PKD1L1: variants seen among roughly 807,000 people sequenced by gnomAD.
The protein encoded by PKD1L1 is polycystin 1 like 1, transient receptor potential channel interacting.
PKD1L1 carries 236 observed loss-of-function variants against 323.4 expected under a neutral mutation model. That is an observed-to-expected ratio of 0.73 (90% CI 0.66 to 0.81). The LOEUF (loss-of-function observed/expected upper bound fraction) is 0.81. Ranked by LOEUF, PKD1L1 falls within the 40% of genes least tolerant of loss-of-function variation. The probability of loss-of-function intolerance (pLI) is 0.00; values close to 1 mark genes in which losing one functional copy is unlikely to be tolerated. For missense variants in PKD1L1, 3,320 were observed against 3,508.0 expected (o/e 0.95, Z 1.35); for synonymous variants, 1,344 against 1,335.0 (o/e 1.01, Z -0.15).
chr7:47,937,261 G>C (rs1311412365), intron 3 of PKD1L1, among the ~76,000 whole-genome samples: 3 of 3,410 alleles, frequency 8.8e-4, no homozygotes, highest in Non-Finnish European at 1.9e-3. Flanking sequence ...GGTGGGGGTG[G>C]GGGGGGGGGG....
the PKD1L1 span, among the ~76,000 whole-genome samples, chr7:47,954,489 T>A: frequency 6.6e-6 from 1 of 152,080 alleles, no homozygotes; most frequent in Non-Finnish European, 1.5e-5. Flanking sequence ...CTCCTTTCTG[T>A]CTCCTGCACC....
chr7:47,900,869 A>G (rs1787070797), intron 13 of PKD1L1, among the ~76,000 whole-genome samples: 1 of 152,220 alleles, frequency 6.6e-6, no homozygotes, highest in Non-Finnish European at 1.5e-5. Context: ...AAGGCTGCTT[A>G]ATAACAAAAG....
At chr7:47,834,286 T>C (rs911801128) in intron 40 of PKD1L1, 53 bp downstream of exon 40, 14 of 1,561,378 alleles carry the variant, frequency 9.0e-6, no homozygotes, top group Non-Finnish European at 1.2e-5. Flanking sequence ...AGAAATCTAA[T>C]TGTTTGCATT....
intron 1 of PKD1L1, among the ~76,000 whole-genome samples, chr7:47,947,111 C>G (rs1788113041): frequency 6.6e-6 from 1 of 152,178 alleles, no homozygotes; most frequent in Non-Finnish European, 1.5e-5. Flanking sequence ...TAGCCAAAAT[C>G]AGACAATGCT....
At chr7:47,870,318 G>GT (rs1786255644) in intron 24 of PKD1L1, among the ~76,000 whole-genome samples, 1 of 152,074 alleles carries the variant, frequency 6.6e-6, no homozygotes, top group African/African-American at 2.4e-5. Context: ...CCAAAAGCTG[G>GT]TTTTTTGAAA....
intron 47 of PKD1L1, 100 bp from the exon 48 acceptor site, chr7:47,814,114 C>G: frequency 2.3e-6 from 2 of 854,898 alleles, no homozygotes; most frequent in Non-Finnish European, 1.9e-6. Flanking sequence ...GTAACTCCAC[C>G]TGCTACCATA....
At chr7:47,917,527 T>C (rs1787454907) in intron 7 of PKD1L1, among the ~76,000 whole-genome samples, 1 of 152,180 alleles carries the variant, frequency 6.6e-6, no homozygotes, top group African/African-American at 2.4e-5. Flanking sequence ...AGGCACATTG[T>C]CATTGAGTTA....
intron 17 of PKD1L1, among the ~76,000 whole-genome samples, chr7:47,886,723 T>C (rs1786693644): frequency 6.6e-6 from 1 of 152,072 alleles, no homozygotes; most frequent in Non-Finnish European, 1.5e-5. Context: ...TGAGGCCTCA[T>C]CAGAGCAGAT....
intron 13 of PKD1L1, among the ~76,000 whole-genome samples, chr7:47,900,911 C>T (rs923904345): frequency 6.6e-6 from 1 of 151,992 alleles, no homozygotes; most frequent in Admixed American, 6.6e-5. Flanking sequence ...AGGTTTGTGA[C>T]AAACACACAT....
At chr7:47,813,345 C>T (rs1017231226) in intron 48 of PKD1L1, 52 bp from the exon 49 acceptor site, 1 of 1,596,090 alleles carries the variant, frequency 6.3e-7, no homozygotes, top group African/African-American at 1.3e-5. Flanking sequence ...CCAAGGCTAC[C>T]CTGCAATCCG....
chr7:47,892,847 G>A (rs897932946), intron 15 of PKD1L1, among the ~76,000 whole-genome samples: 1 of 152,046 alleles, frequency 6.6e-6, no homozygotes, highest in Non-Finnish European at 1.5e-5. Context: ...AATGTACCGG[G>A]GGTAGGGGAG....
intron 47 of PKD1L1, among the ~76,000 whole-genome samples, chr7:47,814,320 T>C (rs942716227): frequency 1.3e-5 from 2 of 152,204 alleles, no homozygotes; most frequent in Admixed American, 6.5e-5. Context: ...CAAGAGACTA[T>C]ATAGAATACA....
chr7:47,787,963 G>A (rs866102256), intron 56 of PKD1L1, among the ~76,000 whole-genome samples: 13 of 152,062 alleles, frequency 8.5e-5, no homozygotes, highest in Admixed American at 3.3e-4. Context: ...CTCTAGCCTC[G>A]GACTCCTAAA....
chr7:47,886,444 G>T (rs1786687122), intron 17 of PKD1L1, among the ~76,000 whole-genome samples: 1 of 152,116 alleles, frequency 6.6e-6, no homozygotes, highest in African/African-American at 2.4e-5. Flanking sequence ...AAGTGATATG[G>T]TTTGGATGTT....
At chr7:47,945,266 T>C (rs1394096020) in intron 1 of PKD1L1, among the ~76,000 whole-genome samples, 1 of 152,250 alleles carries the variant, frequency 6.6e-6, no homozygotes, top group African/African-American at 2.4e-5. Context: ...TTCTCTTTTT[T>C]ACCTGTCTTG....
chr7:47,904,765 G>T, intron 11 of PKD1L1, 148 bp from the exon 12 acceptor site: 1 of 1,024,000 alleles, frequency 9.8e-7, no homozygotes, highest in Non-Finnish European at 1.4e-6. Context: ...AGTATCTAGT[G>T]ATTTTCATCT....
chr7:47,939,731 C>T (rs1787943928), intron 3 of PKD1L1, among the ~76,000 whole-genome samples: 1 of 152,204 alleles, frequency 6.6e-6, no homozygotes, highest in South Asian at 2.1e-4. Flanking sequence ...TGCTGGAAGC[C>T]TTGTCTGTGC....
chr7:47,916,215 A>G (rs1787426518), intron 7 of PKD1L1, among the ~76,000 whole-genome samples: 1 of 152,250 alleles, frequency 6.6e-6, no homozygotes, highest in Non-Finnish European at 1.5e-5. Flanking sequence ...GAGAAAAGCT[A>G]TAATGAGGCA....
chr7:47,917,153 A>G (rs1787445947), intron 7 of PKD1L1, among the ~76,000 whole-genome samples: 1 of 152,194 alleles, frequency 6.6e-6, no homozygotes, highest in South Asian at 2.1e-4. Context: ...TCAGGAAACA[A>G]TGGACACACT....
Sources: gnomAD v4.1 joint callset for allele counts (sites outside exome capture counted in the v4.1 genomes callset) on GRCh38, gnomAD v4.1.1 for gene constraint, MANE v1.5 for transcripts, NCBI Gene and HGNC (gene_info 2026-07-23, HGNC 2026-07-21) for gene names.